Variants in LGI4 observed in about 807,000 individuals in gnomAD.
LGI4 encodes the protein leucine rich repeat LGI family member 4.
A neutral mutation model predicts 48.3 loss-of-function variants in LGI4; 36 were observed. The ratio of observed to expected loss-of-function variants is 0.75; its 90% confidence interval spans 0.57 to 0.98. LGI4 has a LOEUF of 0.98. LGI4 is among the 50% of genes least tolerant of loss of function. The pLI, the probability that LGI4 is intolerant of heterozygous loss-of-function variation, is 0.00. For missense variants in LGI4, 701 were observed against 732.1 expected, an observed-to-expected ratio of 0.96 and a Z score of 0.49; for synonymous variants, 355 against 331.6, an observed-to-expected ratio of 1.07 and a Z score of -0.77.
At chr19:35,129,795 A>G (rs908589455) in intron 6 of LGI4, among the ~76,000 whole-genome samples, 1 of 151,938 alleles carries the variant, frequency 6.6e-6, no homozygotes, top group Non-Finnish European at 1.5e-5. Flanking sequence ...GCTGAGGAGT[A>G]TTGGTGAAAG....
chr19:35,128,082 G>A (rs1376241123), intron 6 of LGI4, among the ~76,000 whole-genome samples: 3 of 152,230 alleles, frequency 2.0e-5, no homozygotes, highest in Admixed American at 6.5e-5. Flanking sequence ...TTCCCACCAC[G>A]TGGGTGTGCC....
chr19:35,131,141 C>T, intron 6 of LGI4: 1 of 619,862 alleles, frequency 1.6e-6, no homozygotes, highest in Non-Finnish European at 2.9e-6. Flanking sequence ...GACCTCCTGT[C>T]CCAGGCCCGG....
At chr19:35,129,238 T>G (rs139708380) in intron 6 of LGI4, among the ~76,000 whole-genome samples, 2,883 of 152,254 alleles carry the variant, frequency 0.019, 56 homozygotes, top group Non-Finnish European at 0.027. Context: ...ATCCCCTTCT[T>G]CTATGTGTCC....
At chr19:35,131,308 G>A (rs779535564) in intron 6 of LGI4, 78 bp downstream of exon 6, 108 of 1,507,794 alleles carry the variant, frequency 7.2e-5, no homozygotes, top group Non-Finnish European at 8.7e-5. Flanking sequence ...GCAGGGCAGG[G>A]AGTGAGACGA....
chr19:35,133,506 G>T, intron 3 of LGI4, 187 bp downstream of exon 3: 1 of 1,430,010 alleles, frequency 7.0e-7, no homozygotes, highest in Non-Finnish European at 9.1e-7. Flanking sequence ...CCAGCCCTGA[G>T]AACTTCATCA....
At chr19:35,132,066 G>C (rs758592633) in intron 3 of LGI4, 24 bp from the exon 4 acceptor site, 1 of 1,555,264 alleles carries the variant, frequency 6.4e-7, no homozygotes, top group Admixed American at 1.9e-5. Context: ...CTGGGGTCAG[G>C]GGGAGGCCCG....
intron 6 of LGI4, among the ~76,000 whole-genome samples, chr19:35,129,047 A>G (rs1600472655): frequency 6.6e-6 from 1 of 152,150 alleles, no homozygotes; most frequent in African/African-American, 2.4e-5. Flanking sequence ...TATAGCACAC[A>G]TTGATCTGTG....
At chr19:35,127,845 C>T (rs988797143) in intron 6 of LGI4, among the ~76,000 whole-genome samples, 8 of 152,246 alleles carry the variant, frequency 5.3e-5, no homozygotes, top group African/African-American at 1.9e-4. Context: ...CACAGGCAGT[C>T]TGTTATCCAA....
Position 35,125,515 on chromosome 19 carries a change from G to T in LGI4, c.1300-8C>A. On this transcript the variant is annotated splice_polypyrimidine_tract_variant and splice_region_variant and intron_variant, in intron 8 of 8. Transcript: ENST00000310123. ...GCCGTCCCAGCGCATGACCTGTGGG[G>T]GTGTGGCCAGTGAGGGCCTGGGGTC... The T allele has an allele frequency of 6.5e-7, 1 of 1,532,248 alleles. No individual in the cohort carries two copies. Among genetic ancestry groups the T allele is most frequent in the Non-Finnish European group, 8.8e-7 (1 of 1,135,506 alleles). 94.9% of individuals were successfully genotyped at this position (1,532,248 alleles called of 1,614,324 possible). A position where few individuals can be genotyped will look rare whatever the true frequency, so the allele number is the denominator to read the frequency against.
chr19:35,126,619 G>A lies in LGI4; in HGVS notation c.950C>T (p.Pro317Leu). The A allele has an allele frequency of 6.5e-7, 1 of 1,541,478 alleles. No individual in the cohort carries two copies. The highest frequency in any genetic ancestry group is 1.4e-5 in the African/African-American group (1 of 73,718). ...QTLAPRRLLR[P>L]NDAELLWLEG... ...CAGCCACAGGAGCTCGGCGTCATTGGGCCGCAGCAGCCGCCGCGGGGCCAG... is the reference window on the plus strand; with the variant it reads ...CAGCCACAGGAGCTCGGCGTCATTGAGCCGCAGCAGCCGCCGCGGGGCCAG... Residue 317 changes from proline to leucine, a missense_variant, in exon 8 of 9, where the codon CCC (proline) becomes CTC (leucine). Transcript: ENST00000310123.
chr19:35,126,127 G>C (rs2065133508), intron 8 of LGI4, 143 bp downstream of exon 8: 1 of 890,320 alleles, frequency 1.1e-6, no homozygotes, highest in Admixed American at 2.4e-5. Context: ...CAGCCTTGAG[G>C]GGGTCAGAGT....
Position 35,125,418 on chromosome 19 carries a change from C to T in LGI4, c.1389G>A (p.Arg463=), listed in dbSNP as rs775063014. Residue 463 remains arginine, a synonymous_variant, in exon 9 of 9, where the codon AGG becomes AGA. Coordinates refer to ENST00000310123, the MANE Select transcript of LGI4 (RefSeq NM_139284.3). The stretch of plus-strand genomic sequence containing the variant: ...CGCTGCCTAGGATGGCCAGCTGGTC[C>T]CTGGCGATGAGCAGTGGCTGGAAGA... ...AHVFQPLLIA[R]DQLAILGSDF... The T allele has an allele frequency of 1.9e-6, 3 of 1,610,182 alleles. No individual in the cohort carries two copies. Among genetic ancestry groups the T allele is most frequent in the East Asian group, 4.5e-5 (2 of 44,744 alleles).
chr19:35,127,125 C>T, intron 6 of LGI4, 108 bp from the exon 7 acceptor site: 2 of 1,104,104 alleles, frequency 1.8e-6, no homozygotes, highest in Non-Finnish European at 2.5e-6. Context: ...TGGTACCCCC[C>T]TCATAGGGAC....
In LGI4 at chr19:35,134,041, C is replaced by G. The variant is rs781243725; in HGVS notation, c.234G>C (p.Leu78=). 1 of 1,561,314 alleles carries G rather than the reference C, an allele frequency of 6.4e-7. No individual in the cohort carries two copies. The highest frequency in any genetic ancestry group is 1.2e-5 in the South Asian group (1 of 84,580). The part of the protein sequence containing the change: ...KAGSFLRIPS[L]HLLLFTSNSF... ...AGCCAGGCCCCACTCACAGCAGGTG[C>G]AGAGACGGAATTCTCAGGAAGCTGC... Residue 78 remains leucine (L), a synonymous_variant, in exon 2 of 9, where the codon CTG becomes CTC. Transcript: ENST00000310123.
chr19:35,125,964 A>G (rs897763), intron 8 of LGI4: 335,041 of 536,036 alleles, frequency 0.63, 106,311 homozygotes, highest in South Asian at 0.73. Flanking sequence ...TAACCCTAGC[A>G]TCAGCCTTGG....
Position 35,126,795 on chromosome 19 carries a change from C to T in LGI4, c.794-20G>A. ...AGGCCGCTGTGGGGAGGTGGGGAGGCAGGTCAGGCCAGCCAGGCAGGCTGC... is the reference window on the plus strand; with the variant it reads ...AGGCCGCTGTGGGGAGGTGGGGAGGTAGGTCAGGCCAGCCAGGCAGGCTGC... On this transcript the variant is annotated intron_variant, in intron 7 of 8. Coordinates refer to ENST00000310123, the MANE Select transcript of LGI4 (RefSeq NM_139284.3). 1 of 1,574,660 alleles carries T rather than the reference C, an allele frequency of 6.4e-7. No homozygotes were observed. The highest frequency in any genetic ancestry group is 8.6e-7 in the Non-Finnish European group (1 of 1,165,746).
intron 2 of LGI4, 63 bp from the exon 3 acceptor site, chr19:35,133,827 T>C: frequency 6.6e-7 from 1 of 1,524,676 alleles, no homozygotes; most frequent in South Asian, 1.2e-5. Context: ...ATTTTAACCC[T>C]GGCCTCCACC....
intron 3 of LGI4, chr19:35,133,274 C>T (rs550469149): frequency 1.8e-4 from 174 of 969,976 alleles, no homozygotes; most frequent in Middle Eastern, 4.9e-4. Flanking sequence ...ACTACCCAAT[C>T]GTCAGCACCA....
chr19:35,125,856 A>C, intron 8 of LGI4: 1 of 569,956 alleles, frequency 1.8e-6, no homozygotes, highest in East Asian at 3.9e-5. Flanking sequence ...TCTGTTCCCC[A>C]CCCAGAGACC....
Sources: allele counts gnomAD v4.1 joint callset (sites outside exome capture counted in the v4.1 genomes callset), GRCh38; gene constraint gnomAD v4.1.1; transcripts MANE v1.5; gene names NCBI Gene and HGNC (gene_info 2026-07-23, HGNC 2026-07-21).